C4orf50: variants seen among roughly 807,000 people sequenced by gnomAD.
C4orf50 encodes the protein chromosome 4 open reading frame 50, also known as uncharacterized protein C4orf50.
A neutral mutation model predicts 77.2 loss-of-function variants in C4orf50; 80 were observed. The observed-to-expected ratio is 1.04, with a 90% CI of 0.87 to 1.25. C4orf50 has a LOEUF of 1.25. Among genes scored for constraint, C4orf50 ranks in the 50% most tolerant of loss-of-function variants. C4orf50 has a pLI of 0.00. For synonymous variants in C4orf50, 532 were observed against 465.3 expected (o/e 1.14, Z -1.84); for missense variants, 1,257 against 1,152.9 (o/e 1.09, Z -1.31).
chr4:5,996,367 T>A (rs1399960119), intron 25 of C4orf50, among the ~76,000 whole-genome samples: 1 of 152,116 alleles, frequency 6.6e-6, no homozygotes, highest in African/African-American at 2.4e-5. Flanking sequence ...CTGGATCTGG[T>A]TGCTCCCTGC....
chr4:5,955,242 A>G (rs1175284560), downstream of C4orf50, among the ~76,000 whole-genome samples: 1 of 152,006 alleles, frequency 6.6e-6, no homozygotes, highest in Non-Finnish European at 1.5e-5. The surrounding 1 kb of genome is among the most constrained non-coding windows in gnomAD (Gnocchi z 5.1). Context: ...TAACCCACTC[A>G]CACCTTACCA....
intron 33 of C4orf50, among the ~76,000 whole-genome samples, chr4:5,964,821 C>T (rs1481681270): frequency 6.7e-6 from 1 of 148,600 alleles, no homozygotes; most frequent in Non-Finnish European, 1.5e-5. Context: ...ATGATTTGAC[C>T]AGAAACAAAC....
chr4:5,996,984 G>A (rs1721620062), intron 25 of C4orf50, among the ~76,000 whole-genome samples: 1 of 152,188 alleles, frequency 6.6e-6, no homozygotes, highest in Non-Finnish European at 1.5e-5. Context: ...AGGGAAAAGA[G>A]AAAATGAGAG....
intron 7 of C4orf50, among the ~76,000 whole-genome samples, chr4:5,934,010 A>C (rs1285204464): frequency 6.6e-6 from 1 of 151,700 alleles, no homozygotes; most frequent in Non-Finnish European, 1.5e-5. Context: ...AGCGAGAATC[A>C]CCTCCCTACT....
At chr4:5,963,083 C>T (rs956250474) in intron 33 of C4orf50, among the ~76,000 whole-genome samples, 1 of 150,474 alleles carries the variant, frequency 6.6e-6, no homozygotes, top group African/African-American at 2.5e-5. Flanking sequence ...CTCACTACAA[C>T]CTCCGCCTCC....
intron 7 of C4orf50, among the ~76,000 whole-genome samples, chr4:5,930,402 G>C (rs1717715397): frequency 6.6e-6 from 1 of 152,154 alleles, no homozygotes; most frequent in African/African-American, 2.4e-5. Flanking sequence ...ATCCCCGCAG[G>C]CTGACTCTAC....
intron 30 of C4orf50, among the ~76,000 whole-genome samples, 197 bp downstream of exon 8, chr4:5,975,702 C>A (rs1456776308): frequency 1.3e-5 from 2 of 151,956 alleles, no homozygotes; most frequent in African/African-American, 4.8e-5. Context: ...TTGCCCAGGC[C>A]GGTCTCAAAC....
intron 25 of C4orf50, among the ~76,000 whole-genome samples, chr4:5,997,055 G>A (rs1209088673): frequency 1.3e-5 from 2 of 152,208 alleles, no homozygotes; most frequent in Non-Finnish European, 2.9e-5. Context: ...AAAGGAGAGG[G>A]AATAGGATAG....
chr4:5,906,295 A>G (rs1180266678), intron 7 of C4orf50, among the ~76,000 whole-genome samples: 1 of 152,022 alleles, frequency 6.6e-6, no homozygotes, highest in Non-Finnish European at 1.5e-5. Flanking sequence ...AGGAAGGAAG[A>G]AAATGAAGGA....
At chr4:5,943,811 C>G (rs930301236) in intron 7 of C4orf50, among the ~76,000 whole-genome samples, 1 of 152,202 alleles carries the variant, frequency 6.6e-6, no homozygotes, top group Non-Finnish European at 1.5e-5. Flanking sequence ...AAGCACTGCC[C>G]TGTGTAAGAT....
chr4:5,910,277 C>A (rs1716747025), intron 7 of C4orf50, among the ~76,000 whole-genome samples: 1 of 152,162 alleles, frequency 6.6e-6, no homozygotes, highest in South Asian at 2.1e-4. Flanking sequence ...CCTAGTTCAA[C>A]TTAATGTGAT....
At chr4:5,968,553 C>T (rs573711938) in intron 31 of C4orf50, among the ~76,000 whole-genome samples, 1 of 152,314 alleles carries the variant, frequency 6.6e-6, no homozygotes, top group African/African-American at 2.4e-5. Flanking sequence ...CCTGGACTCT[C>T]CCACCCCGGT....
At chr4:5,964,229 A>G (rs1487162724) in intron 33 of C4orf50, among the ~76,000 whole-genome samples, 4 of 152,206 alleles carry the variant, frequency 2.6e-5, no homozygotes, top group African/African-American at 9.7e-5. Context: ...AGCTCTGAGC[A>G]GCCTCTTGGG....
chr4:5,937,563 A>G (rs563214776), intron 7 of C4orf50, among the ~76,000 whole-genome samples: 2 of 152,344 alleles, frequency 1.3e-5, no homozygotes, highest in Non-Finnish European at 2.9e-5. Context: ...GCTATAATGT[A>G]TATATTATGA....
In C4orf50 at chr4:5,975,139, C is replaced by CAAAAAA. The variant is rs763836859; in HGVS notation, c.3921+754_3921+759dup. ...TGGGCGACAGAGTGACACTCCATCT[C>CAAAAAA]AAAAAAAAAAAAAAAAAAAAAAAAA... On this transcript the variant is annotated intron_variant, in intron 30 of 33. Coordinates refer to ENST00000531445, the Ensembl canonical transcript of C4orf50. Among the ~76,000 whole-genome samples, 141 of 82,754 alleles carry CAAAAAA rather than the reference C, an allele frequency of 1.7e-3. 9 individuals carry two copies. The highest frequency in any genetic ancestry group is 2.3e-3 in the East Asian group (2 of 868). 54.3% of individuals were successfully genotyped at this position (82,754 alleles called of 152,430 possible). A position where few individuals can be genotyped will look rare whatever the true frequency, so the allele number is the denominator to read the frequency against.
intron 7 of C4orf50, among the ~76,000 whole-genome samples, chr4:5,927,203 T>C (rs534390768): frequency 1.3e-5 from 2 of 152,070 alleles, no homozygotes; most frequent in South Asian, 2.1e-4. Context: ...GAAGAGACAC[T>C]GTGGAATCAG....
Position 6,016,363 on chromosome 4 carries a change from A to G in C4orf50, c.287+1782T>C, listed in dbSNP as rs551209634. On this transcript the variant is annotated intron_variant, in intron 23 of 33. Transcript: ENST00000531445. ...CAGACGTTCGAGACCTGCATGGCCA[A>G]CATGGTGAAACACTGTCTCTACTAA... is the stretch of plus-strand genomic sequence containing the variant. Among the ~76,000 whole-genome samples the G allele has an allele frequency of 2.6e-5, 4 of 152,318 alleles. No homozygotes were observed. In the East Asian group the frequency reaches 7.7e-4, roughly 29 times the overall value.
At position 5,903,388 on chromosome 4, in the gene C4orf50, A is replaced by C. The variant is rs1189391909; in HGVS notation, c.*2475-5200T>G. The C allele has an allele frequency of 3.3e-5, 5 of 152,240 alleles. No individual in the cohort carries two copies. The South Asian group carries it at 8.3e-4, about 25-fold the overall frequency. 9.4% of individuals were successfully genotyped at this position (152,240 alleles called of 1,614,324 possible). A position where few individuals can be genotyped will look rare whatever the true frequency, so the allele number is the denominator to read the frequency against. ...TACTCACAGTAGCCAAAAAGGTGGA[A>C]GCCACCCTAAGGTCCCTCAATGCGT... On this transcript the variant is annotated intron_variant, in intron 7 of 7. Transcript: ENST00000324058.
At chr4:5,906,045 GC>G in intron 7 of C4orf50, among the ~76,000 whole-genome samples, 1 of 152,254 alleles carries the variant, frequency 6.6e-6, no homozygotes, top group South Asian at 2.1e-4. Context: ...CAGTGGAGGC[GC>G]GGACAGCAAG....
Sources: allele counts gnomAD v4.1 joint callset (sites outside exome capture counted in the v4.1 genomes callset), GRCh38; gene constraint gnomAD v4.1.1; non-coding constraint Gnocchi (gnomAD v3.1); transcripts MANE v1.5; gene names NCBI Gene and HGNC (gene_info 2026-07-23, HGNC 2026-07-21).